The following ARHGEF38 variants were observed in gnomAD, a reference collection of about 807,000 sequenced individuals.
ARHGEF38 encodes Rho guanine nucleotide exchange factor (GEF) 38.
In ARHGEF38, 79 loss-of-function variants were observed where a neutral mutation model predicts 79.9. The ratio of observed to expected loss-of-function variants is 0.99; its 90% CI spans 0.82 to 1.19. The LOEUF is 1.19. ARHGEF38 is among the 50% of genes most tolerant of loss of function. The probability of loss-of-function intolerance (pLI) is 0.00; values close to 1 mark genes in which losing one functional copy is unlikely to be tolerated. For synonymous variants in ARHGEF38, 366 were observed against 328.3 expected (o/e 1.11, Z -1.24); for missense variants, 962 against 907.2 (o/e 1.06, Z -0.78).
intron 1 of ARHGEF38, among the ~76,000 whole-genome samples, chr4:105,584,074 T>C (rs954346349): frequency 1.3e-5 from 2 of 152,150 alleles, no homozygotes; most frequent in Non-Finnish European, 2.9e-5. Flanking sequence ...GAAAAACAAA[T>C]AGGAGAATAG....
At chr4:105,616,527 A>G (rs1169773854) in intron 3 of ARHGEF38, among the ~76,000 whole-genome samples, 1 of 152,086 alleles carries the variant, frequency 6.6e-6, no homozygotes, top group Non-Finnish European at 1.5e-5. Flanking sequence ...CTCACTCACT[A>G]TCACAAGAAC....
At chr4:105,590,015 G>C (rs1560705960) in intron 2 of ARHGEF38, among the ~76,000 whole-genome samples, 2 of 149,092 alleles carry the variant, frequency 1.3e-5, no homozygotes, top group South Asian at 4.3e-4. Context: ...TGCAGCCTGG[G>C]CAACAGAGTG....
At chr4:105,633,673 C>A (rs1224913650) in intron 4 of ARHGEF38, among the ~76,000 whole-genome samples, 1 of 151,934 alleles carries the variant, frequency 6.6e-6, no homozygotes, top group Non-Finnish European at 1.5e-5. Flanking sequence ...TGCTTTTTAA[C>A]CAAAATTACA....
chr4:105,611,247 C>T (rs901644873), intron 2 of ARHGEF38, among the ~76,000 whole-genome samples: 2 of 151,874 alleles, frequency 1.3e-5, no homozygotes, highest in Non-Finnish European at 2.9e-5. Flanking sequence ...TCTTATAAAG[C>T]AAGTAAATTA....
intron 1 of ARHGEF38, among the ~76,000 whole-genome samples, chr4:105,553,277 G>A (rs576654594): frequency 6.6e-6 from 1 of 151,892 alleles, no homozygotes; most frequent in Admixed American, 6.6e-5. Context: ...AACTTAAGAA[G>A]TGGGAAACAC....
intron 7 of ARHGEF38, among the ~76,000 whole-genome samples, chr4:105,650,167 C>G (rs964856498): frequency 2.0e-5 from 3 of 152,166 alleles, no homozygotes; most frequent in Non-Finnish European, 2.9e-5. Context: ...ACTTTTCTTC[C>G]TATGTGATGT....
At chr4:105,596,134 G>A (rs988251410) in intron 2 of ARHGEF38, among the ~76,000 whole-genome samples, 3 of 152,174 alleles carry the variant, frequency 2.0e-5, no homozygotes, top group African/African-American at 7.2e-5. Context: ...ACCTAGGTTA[G>A]CAGTGGGCTG....
At chr4:105,567,863 G>A (rs977824796) in intron 1 of ARHGEF38, among the ~76,000 whole-genome samples, 25 of 151,170 alleles carry the variant, frequency 1.7e-4, no homozygotes, top group Non-Finnish European at 2.1e-4. Flanking sequence ...CATGTGCCAC[G>A]CTGGTGCGCT....
chr4:105,648,634 A>G lies in ARHGEF38; in HGVS notation c.960A>G (p.Ser320=). The change falls in exon 7 of 14, where the codon TCA becomes TCG. Residue 320 remains serine, a synonymous_variant. Transcript: ENST00000420470. ...KLNIHSISKK[S]KRVTNHLKIL... ...ATATTCATTCAATTAGCAAGAAATC[A>G]AAAAGAGTGACAAATCATCTGAAGA... is the stretch of plus-strand genomic sequence containing the variant. 1 of 1,533,612 alleles carries G rather than the reference A, an allele frequency of 6.5e-7. No homozygotes were observed. The highest frequency in any genetic ancestry group is 8.7e-7 in the Non-Finnish European group (1 of 1,145,900).
intron 7 of ARHGEF38, among the ~76,000 whole-genome samples, chr4:105,650,243 T>C (rs2110549035): frequency 6.6e-6 from 1 of 152,372 alleles, no homozygotes; most frequent in Non-Finnish European, 1.5e-5. Context: ...TGTTTTGACA[T>C]TTTAAAATAC....
At chr4:105,582,143 C>T (rs534685963) in intron 1 of ARHGEF38, among the ~76,000 whole-genome samples, 9 of 123,182 alleles carry the variant, frequency 7.3e-5, no homozygotes, top group East Asian at 4.6e-4. Context: ...CCAGCCTGGG[C>T]GACAGAGCTA....
At chr4:105,627,363 G>A (rs1171402227) in intron 3 of ARHGEF38, among the ~76,000 whole-genome samples, 1 of 152,114 alleles carries the variant, frequency 6.6e-6, no homozygotes, top group African/African-American at 2.4e-5. Context: ...CACCTGGTTT[G>A]GTGTGGCACA....
At chr4:105,682,050 A>G (rs530477452), downstream of ARHGEF38, among the ~76,000 whole-genome samples, 1 of 152,332 alleles carries the variant, frequency 6.6e-6, no homozygotes, top group African/African-American at 2.4e-5. Context: ...TACTATGTGC[A>G]TGTATTACAT....
chr4:105,575,575 A>G (rs2110430670), intron 1 of ARHGEF38, among the ~76,000 whole-genome samples: 1 of 152,178 alleles, frequency 6.6e-6, no homozygotes, highest in East Asian at 1.9e-4. Flanking sequence ...GACATAGTTT[A>G]AAAGTATTTT....
Position 105,667,324 on chromosome 4 carries a change from G to A in ARHGEF38, c.1885G>A (p.Gly629Arg), listed in dbSNP as rs1319832197. The change falls in exon 12 of 14, where the codon GGA becomes AGA. Residue 629 changes from glycine (G) to arginine (R), a missense_variant. Physicochemically the swap from Gly to Arg is moderately radical, Grantham distance 125. Coordinates refer to ENST00000420470, the MANE Select transcript of ARHGEF38 (RefSeq NM_001242729.2). Reference protein sequence around the residue: ...GSTSRWLVDTGNVKGYVYSSF... With the variant: ...GSTSRWLVDTRNVKGYVYSSF... ...TACAAGCAGGTGGCTTGTGGACACAGGAAGTAAGTTTTTCCCCAGAACTAC... is the reference window on the plus strand; with the variant it reads ...TACAAGCAGGTGGCTTGTGGACACAAGAAGTAAGTTTTTCCCCAGAACTAC... 6.5e-7 allele frequency: 1 copy of A among 1,535,584 alleles called. No homozygotes were observed. The highest frequency in any genetic ancestry group is 2.0e-5 in the Admixed American group (1 of 50,942).
intron 3 of ARHGEF38, among the ~76,000 whole-genome samples, chr4:105,628,946 G>A (rs970438526): frequency 6.6e-6 from 1 of 152,100 alleles, no homozygotes; most frequent in East Asian, 1.9e-4. Flanking sequence ...AGTCAGTGGC[G>A]GGCACTTTTT....
At chr4:105,597,530 G>A (rs1451246370) in intron 2 of ARHGEF38, among the ~76,000 whole-genome samples, 3 of 152,102 alleles carry the variant, frequency 2.0e-5, no homozygotes, top group Non-Finnish European at 2.9e-5. Context: ...TCTGATTGTA[G>A]TCTGGGCCTG....
intron 11 of ARHGEF38, among the ~76,000 whole-genome samples, chr4:105,666,557 T>G (rs1163587425): frequency 1.3e-5 from 2 of 152,168 alleles, no homozygotes; most frequent in Non-Finnish European, 2.9e-5. Context: ...AAAATGGTGC[T>G]TGTCACAAGG....
rs1296763362 is a variant in ARHGEF38, at chr4:105,679,742, G to T, written c.*1805G>T. On this transcript the variant is annotated 3_prime_UTR_variant, in exon 14 of 14. Coordinates refer to ENST00000420470, the MANE Select transcript of ARHGEF38 (RefSeq NM_001242729.2). ...GTTTTTTGTTCCACATGTCTTAGTT[G>T]ACCTTTCTCTTGGTTGATAAAAACA... The T allele has an allele frequency of 1.2e-6, 1 of 849,010 alleles. No homozygotes were observed. Among genetic ancestry groups the T allele is most frequent in the South Asian group, 1.3e-5 (1 of 74,302 alleles). The allele number at this position is 849,010 out of a possible 1,614,324, so 52.6% of individuals were successfully genotyped here.
Sources: allele counts gnomAD v4.1 joint callset (sites outside exome capture counted in the v4.1 genomes callset), GRCh38; gene constraint gnomAD v4.1.1; transcripts MANE v1.5; gene names NCBI Gene and HGNC (gene_info 2026-07-23, HGNC 2026-07-21).